Variants in ZNF189 observed in about 807,000 individuals in gnomAD.
ZNF189 encodes zinc finger protein 189.
Under a neutral mutation model 53.5 loss-of-function variants are expected in ZNF189, and 33 were observed. The observed-to-expected ratio is 0.62, with a 90% CI of 0.47 to 0.82. The LOEUF (loss-of-function observed/expected upper bound fraction) is 0.82. ZNF189 is among the 40% of genes least tolerant of loss of function. ZNF189 has a pLI of 0.00. For missense variants in ZNF189, 711 were observed against 753.9 expected, an observed-to-expected ratio of 0.94 and a Z score of 0.67; for synonymous variants, 247 against 238.8, an observed-to-expected ratio of 1.03 and a Z score of -0.32.
At chr9:101,400,236 G>T (rs572092183) in intron 2 of ZNF189, among the ~76,000 whole-genome samples, 3 of 152,062 alleles carry the variant, frequency 2.0e-5, no homozygotes, top group South Asian at 4.1e-4. Flanking sequence ...TTCCCATATT[G>T]TTCTGTACTT....
At chr9:101,401,552 C>T (rs551410084) in intron 2 of ZNF189, among the ~76,000 whole-genome samples, 1 of 152,336 alleles carries the variant, frequency 6.6e-6, no homozygotes, top group East Asian at 1.9e-4. Flanking sequence ...AAAAATCCCT[C>T]CTATGAGTCA....
At chr9:101,407,521 C>G (rs1830758344) in intron 2 of ZNF189, 1 of 400,392 alleles carries the variant, frequency 2.5e-6, no homozygotes, top group Admixed American at 4.4e-5. Context: ...ACCTGAGTAG[C>G]TGGGACTACA....
At position 101,408,080 on chromosome 9, in the gene ZNF189, T is replaced by G. The variant is rs771653113; in HGVS notation, c.312T>G (p.Val104=). ...TGGGTAGAGAAACATTTGAACTTGT[T>G]GGTAGGTTAGATAAACAAAGAGGGA... ...DPMGRETFEL[V]GRLDKQRGIF... The change falls in exon 3 of 3, where the codon GTT becomes GTG. Residue 104 remains valine, a synonymous_variant. Transcript: ENST00000339664. 3.1e-6 allele frequency: 5 copies of G among 1,613,992 alleles called. No individual in the cohort carries two copies. The highest frequency in any genetic ancestry group is 4.2e-6 in the Non-Finnish European group (5 of 1,179,980).
chr9:101,409,120 C>T lies in ZNF189; in HGVS notation c.1352C>T (p.Pro451Leu), dbSNP rs1250876532. ...CSLVIQQEVY[P>L]KEKSYKCDEC... ...CTTGTTATACAGCAGGAAGTCTACC[C>T]TAAGGAGAAATCTTATAAATGTGAT... is the stretch of plus-strand genomic sequence containing the variant. The change falls in exon 3 of 3, where the codon CCT (proline) becomes CTT (leucine). Residue 451 changes from proline (P) to leucine (L), a missense_variant. Physicochemically the swap from Pro to Leu is moderately conservative, Grantham distance 98. Coordinates refer to ENST00000339664, the MANE Select transcript of ZNF189 (RefSeq NM_003452.4). The T allele has an allele frequency of 6.2e-7, 1 of 1,613,926 alleles. No homozygotes were observed. Among genetic ancestry groups the T allele is most frequent in the East Asian group, 2.2e-5 (1 of 44,870 alleles).
At position 101,409,776 on chromosome 9, in the gene ZNF189, A is replaced by G. The variant is rs1343199813; in HGVS notation, c.*127A>G. The G allele has an allele frequency of 4.5e-6, 5 of 1,117,986 alleles. No individual in the cohort carries two copies. The highest frequency in any genetic ancestry group is 3.0e-5 in the Admixed American group (1 of 33,276). The allele number at this position is 1,117,986 out of a possible 1,614,324, so 69.3% of individuals were successfully genotyped here. A position where few individuals can be genotyped will look rare whatever the true frequency, so the allele number is the denominator to read the frequency against. On this transcript the variant is annotated 3_prime_UTR_variant, in exon 3 of 3. Transcript: ENST00000339664. ...CCTTGGCCTCAGGCAAATAGTTTCT[A>G]AAGATTCTGTGAATAGTGGACAACT...
chr9:101,409,399 A>T lies in ZNF189; in HGVS notation c.1631A>T (p.Glu544Val). Reference sequence around the variant, plus strand: ...GGTAATAAACCCCATAAATGTGATGAATGTGGAAAGGCCTTTAGCCGGAAC... The same window carrying T: ...GGTAATAAACCCCATAAATGTGATGTATGTGGAAAGGCCTTTAGCCGGAAC... The part of the protein sequence containing the change: ...HTGNKPHKCD[E>V]CGKAFSRNSG... The change falls in exon 3 of 3, where the codon GAA becomes GTA. Residue 544 changes from glutamate to valine, a missense_variant. Physicochemically the swap from Glu to Val is moderately radical, Grantham distance 121 (BLOSUM62 -2). Coordinates refer to ENST00000339664, the MANE Select transcript of ZNF189 (RefSeq NM_003452.4). The T allele has an allele frequency of 6.2e-7, 1 of 1,614,204 alleles. No homozygotes were observed. The highest frequency in any genetic ancestry group is 8.5e-7 in the Non-Finnish European group (1 of 1,180,030).
intron 2 of ZNF189, among the ~76,000 whole-genome samples, chr9:101,402,294 A>G (rs1259320882): frequency 6.6e-6 from 1 of 152,242 alleles, no homozygotes; most frequent in Non-Finnish European, 1.5e-5. Context: ...CCACTTACTT[A>G]GCCTGGTGAG....
In ZNF189 at chr9:101,409,760, C is replaced by T. The variant is rs1273728101; in HGVS notation, c.*111C>T. On this transcript the variant is annotated 3_prime_UTR_variant, in exon 3 of 3. Coordinates refer to ENST00000339664, the MANE Select transcript of ZNF189 (RefSeq NM_003452.4). ...TGATAAAGCAAATTCTCCTTGGCCT[C>T]AGGCAAATAGTTTCTAAAGATTCTG... 34 of 1,255,202 alleles carry T rather than the reference C, an allele frequency of 2.7e-5. No homozygotes were observed. The highest frequency in any genetic ancestry group is 3.4e-5 in the Non-Finnish European group (32 of 933,302). 77.8% of individuals were successfully genotyped at this position (1,255,202 alleles called of 1,614,324 possible).
At chr9:101,407,115 C>T (rs78978816) in intron 2 of ZNF189, among the ~76,000 whole-genome samples, 334 of 152,160 alleles carry the variant, frequency 2.2e-3, no homozygotes, top group African/African-American at 7.8e-3. Context: ...GTCACCTAAC[C>T]CTTTATTATT....
rs112562339 is a variant in ZNF189 at position 101,405,576 on chromosome 9, C to T, written c.161-2353C>T. Among the ~76,000 whole-genome samples, 863 of 151,352 alleles carry T rather than the reference C, an allele frequency of 5.7e-3. 7 individuals carry two copies. The highest frequency in any genetic ancestry group is 0.019 in the African/African-American group (798 of 41,182). On this transcript the variant is annotated intron_variant, in intron 2 of 2. Coordinates refer to ENST00000339664, the MANE Select transcript of ZNF189 (RefSeq NM_003452.4). ...ATATCTGGAGGGTGTATATACAGAACAAGTAAGGATGTAAATGTGGGTAAC... is the reference window on the plus strand; with the variant it reads ...ATATCTGGAGGGTGTATATACAGAATAAGTAAGGATGTAAATGTGGGTAAC...
In ZNF189 at chr9:101,408,492, A is replaced by G. The variant is rs763424146; in HGVS notation, c.724A>G (p.Ser242Gly). ...YQCNQCKQSF[S>G]QRRSLVKHQR... ...GTGTAATCAGTGTAAACAGAGCTTC[A>G]GCCAGAGAAGGAGCCTTGTTAAACA... The change falls in exon 3 of 3, where the codon AGC becomes GGC. Residue 242 changes from serine (S) to glycine (G), a missense_variant. Ser to Gly is a moderately conservative substitution (Grantham distance 56). Transcript: ENST00000339664. The G allele has an allele frequency of 6.2e-7, 1 of 1,614,200 alleles. No homozygotes were observed. The highest frequency in any genetic ancestry group is 2.2e-5 in the East Asian group (1 of 44,870).
intron 2 of ZNF189, among the ~76,000 whole-genome samples, chr9:101,400,944 G>T (rs143731085): frequency 6.6e-6 from 1 of 152,096 alleles, no homozygotes; most frequent in Non-Finnish European, 1.5e-5. Context: ...CATTATTAAC[G>T]ATGTTTCCTG....
At chr9:101,403,246 C>T (rs1830596223) in intron 2 of ZNF189, among the ~76,000 whole-genome samples, 1 of 152,076 alleles carries the variant, frequency 6.6e-6, no homozygotes, top group African/African-American at 2.4e-5. Context: ...ATGTAAATAC[C>T]ATATGGACAA....
chr9:101,407,826 T>A, intron 2 of ZNF189, 103 bp from the exon 3 acceptor site: 1 of 1,217,172 alleles, frequency 8.2e-7, no homozygotes, highest in South Asian at 1.7e-5. Context: ...GACTGATTAA[T>A]CCCACCTTGA....
rs947695841 is a variant in ZNF189, at chr9:101,399,099, C to T, written c.-58C>T. On this transcript the variant is annotated 5_prime_UTR_variant, in exon 1 of 3. Coordinates refer to ENST00000339664, the MANE Select transcript of ZNF189 (RefSeq NM_003452.4). ...TTTCCAGCAGCCGGGTAGGCCTCACCAGAGGCTCCTTTCCGTGAGGCCGCC... is the reference window on the plus strand; with the variant it reads ...TTTCCAGCAGCCGGGTAGGCCTCACTAGAGGCTCCTTTCCGTGAGGCCGCC... 9 of 1,300,468 alleles carry T rather than the reference C, an allele frequency of 6.9e-6. No homozygotes were observed. Among genetic ancestry groups the T allele is most frequent in the South Asian group, 3.6e-5 (3 of 83,190 alleles). The allele number at this position is 1,300,468 out of a possible 1,614,324, so 80.6% of individuals were successfully genotyped here.
At chr9:101,407,747 T>C (rs1424428736) in intron 2 of ZNF189, among the ~76,000 whole-genome samples, 182 bp from the exon 3 acceptor site, 1 of 152,210 alleles carries the variant, frequency 6.6e-6, no homozygotes, top group African/African-American at 2.4e-5. Context: ...ATTCCAATAA[T>C]GCTTTCTCAT....
At position 101,408,076 on chromosome 9, in the gene ZNF189, T is replaced by C. The variant is rs745360586; in HGVS notation, c.308T>C (p.Leu103Pro). Residue 103 changes from leucine (L) to proline (P), a missense_variant, in exon 3 of 3, where the codon CTT becomes CCT. Transcript: ENST00000339664. Reference protein sequence around the residue: ...QDPMGRETFELVGRLDKQRGI... With the variant: ...QDPMGRETFEPVGRLDKQRGI... ...CCTATGGGTAGAGAAACATTTGAAC[T>C]TGTTGGTAGGTTAGATAAACAAAGA... 1 of 1,614,054 alleles carries C rather than the reference T, an allele frequency of 6.2e-7. No homozygotes were observed. The highest frequency in any genetic ancestry group is 8.5e-7 in the Non-Finnish European group (1 of 1,180,006).
chr9:101,401,022 C>T (rs539718748), intron 2 of ZNF189, among the ~76,000 whole-genome samples: 2 of 152,310 alleles, frequency 1.3e-5, no homozygotes, highest in South Asian at 4.1e-4. Flanking sequence ...CATCTAATCA[C>T]CAGCAAGCTC....
chr9:101,407,825 A>C, intron 2 of ZNF189, 104 bp from the exon 3 acceptor site: 1 of 1,214,244 alleles, frequency 8.2e-7, no homozygotes, highest in Non-Finnish European at 1.1e-6. Context: ...AGACTGATTA[A>C]TCCCACCTTG....
Sources: allele counts gnomAD v4.1 joint callset (sites outside exome capture counted in the v4.1 genomes callset), GRCh38; gene constraint gnomAD v4.1.1; transcripts MANE v1.5; gene names NCBI Gene and HGNC (gene_info 2026-07-23, HGNC 2026-07-21).